TIAM1: variants seen among roughly 807,000 people sequenced by gnomAD.
TIAM1 encodes the protein rho guanine nucleotide exchange factor TIAM1.
Under a neutral mutation model 163.5 loss-of-function variants are expected in TIAM1, and 65 were observed. The ratio of observed to expected loss-of-function variants is 0.40; its 90% CI spans 0.33 to 0.49. The LOEUF (loss-of-function observed/expected upper bound fraction) is 0.49, where lower values mean the gene tolerates loss of function less well. Among genes scored for constraint, TIAM1 ranks in the 20% least tolerant of loss-of-function variants. TIAM1 has a pLI of 0.77. For synonymous variants in TIAM1, 833 were observed against 810.1 expected, an observed-to-expected ratio of 1.03 and a Z score of -0.48; for missense variants, 1,789 against 2,044.7, an observed-to-expected ratio of 0.87 and a Z score of 2.41.
At chr21:31,234,665 C>A (rs2088644339) in intron 6 of TIAM1, among the ~76,000 whole-genome samples, 1 of 151,954 alleles carries the variant, frequency 6.6e-6, no homozygotes, top group South Asian at 2.1e-4. Flanking sequence ...CCTGTCATCC[C>A]AGATATTCGA....
intron 4 of TIAM1, among the ~76,000 whole-genome samples, chr21:31,265,290 G>A (rs2072696621): frequency 7.1e-6 from 1 of 140,572 alleles, no homozygotes; most frequent in Non-Finnish European, 1.5e-5. Context: ...CCACGGTTTC[G>A]TGCACTAGAC....
At chr21:31,492,965 A>C (rs931323152) in intron 1 of TIAM1, among the ~76,000 whole-genome samples, 1 of 142,624 alleles carries the variant, frequency 7.0e-6, no homozygotes, top group Non-Finnish European at 1.5e-5. Flanking sequence ...CTTTTTAATG[A>C]AGTTAATAGT....
chr21:31,510,770 T>C (rs906315944), intron 1 of TIAM1, among the ~76,000 whole-genome samples: 1 of 150,532 alleles, frequency 6.6e-6, no homozygotes, highest in Non-Finnish European at 1.5e-5. Context: ...GTTGAGATCA[T>C]GCCACTACAC....
intron 15 of TIAM1, among the ~76,000 whole-genome samples, chr21:31,171,351 C>T (rs952210106): frequency 1.3e-5 from 2 of 152,036 alleles, no homozygotes; most frequent in Non-Finnish European, 2.9e-5. Flanking sequence ...GAGTACAAAC[C>T]ATATAAGATT....
In TIAM1 at chr21:31,150,540, A is replaced by G. The variant is rs113968157; in HGVS notation, c.3366+2096T>C. ...AAATTGGATATTCATACACACACAAATTAACTTTGATTCCTACATTAAACC... is the reference window on the plus strand; with the variant it reads ...AAATTGGATATTCATACACACACAAGTTAACTTTGATTCCTACATTAAACC... On this transcript the variant is annotated intron_variant, in intron 19 of 27. Transcript: ENST00000541036. 6.5e-3 allele frequency among the ~76,000 whole-genome samples: 984 copies of G among 152,328 alleles called. 12 individuals carry two copies. The highest frequency in any genetic ancestry group is 0.022 in the African/African-American group (905 of 41,568).
rs80259329 is a variant in TIAM1 at position 31,122,395 on chromosome 21, T to G, written c.4307-1558A>C. Among the ~76,000 whole-genome samples the G allele has an allele frequency of 2.1e-3, 324 of 152,226 alleles. 2 individuals carry two copies. Among genetic ancestry groups the G allele is most frequent in the African/African-American group, 7.4e-3 (307 of 41,534 alleles). Reference sequence around the variant, plus strand: ...ATCACCACATTAGAACTACCCCAACTCAAAGCTACTGGAAATATTTGTTAA... The same window carrying G: ...ATCACCACATTAGAACTACCCCAACGCAAAGCTACTGGAAATATTTGTTAA... On this transcript the variant is annotated intron_variant, in intron 27 of 27. Transcript: ENST00000541036.
chr21:31,423,854 CGG>C (rs1244509919), intron 2 of TIAM1, among the ~76,000 whole-genome samples: 1 of 24,754 alleles, frequency 4.0e-5, no homozygotes, highest in Non-Finnish European at 1.9e-4. Context: ...TAATGATTAT[CGG>C]GGGGGGCGGG....
chr21:31,142,831 C>T (rs1308476883), intron 20 of TIAM1, among the ~76,000 whole-genome samples: 1 of 152,088 alleles, frequency 6.6e-6, no homozygotes, highest in Non-Finnish European at 1.5e-5. Context: ...CAGCACTTTC[C>T]TCACCAGCCT....
At chr21:31,440,624 T>C (rs777728094) in intron 2 of TIAM1, among the ~76,000 whole-genome samples, 51 of 152,218 alleles carry the variant, frequency 3.4e-4, no homozygotes, top group Non-Finnish European at 6.0e-4. Context: ...GGCTCATGCC[T>C]GTAATCCCAG....
At chr21:31,283,738 C>G (rs2073674169) in intron 2 of TIAM1, among the ~76,000 whole-genome samples, 1 of 152,048 alleles carries the variant, frequency 6.6e-6, no homozygotes, top group South Asian at 2.1e-4. Context: ...AACGGAGTTT[C>G]ATCATATTGG....
intron 2 of TIAM1, among the ~76,000 whole-genome samples, chr21:31,426,304 G>A (rs554037872): frequency 6.6e-6 from 1 of 152,234 alleles, no homozygotes; most frequent in East Asian, 1.9e-4. Context: ...CCCCAAATGA[G>A]AAGCCACCTT....
intron 2 of TIAM1, among the ~76,000 whole-genome samples, chr21:31,284,944 G>A (rs1028214496): frequency 6.6e-6 from 1 of 152,098 alleles, no homozygotes; most frequent in African/African-American, 2.4e-5. Flanking sequence ...AGCAGCTTCT[G>A]TCTACCTCCA....
intron 6 of TIAM1, among the ~76,000 whole-genome samples, chr21:31,228,310 T>C: frequency 8.2e-6 from 1 of 122,252 alleles, no homozygotes; most frequent in Non-Finnish European, 1.7e-5. Flanking sequence ...GGCAAAGATA[T>C]GGAGTAACCA....
chr21:31,360,437 G>C (rs1020189218), intron 2 of TIAM1, among the ~76,000 whole-genome samples: 1 of 151,626 alleles, frequency 6.6e-6, no homozygotes, highest in African/African-American at 2.4e-5. Flanking sequence ...ATCTAGGAAG[G>C]CTTCAAAGTA....
At chr21:31,325,162 T>C (rs1000671586) in intron 2 of TIAM1, among the ~76,000 whole-genome samples, 10 of 151,048 alleles carry the variant, frequency 6.6e-5, no homozygotes, top group Admixed American at 2.0e-4. Context: ...TGTGCAGCCG[T>C]AGTCCCACCT....
At chr21:31,499,328 G>A (rs536641209) in intron 1 of TIAM1, among the ~76,000 whole-genome samples, 2 of 152,232 alleles carry the variant, frequency 1.3e-5, no homozygotes, top group East Asian at 3.9e-4. Flanking sequence ...GGGAGGCTGA[G>A]GTGGACAAAT....
intron 2 of TIAM1, among the ~76,000 whole-genome samples, chr21:31,316,630 A>G (rs2075132556): frequency 6.6e-6 from 1 of 152,224 alleles, no homozygotes; most frequent in Non-Finnish European, 1.5e-5. Context: ...TGTGATGGGC[A>G]TGCCTATGCC....
At chr21:31,271,391 C>A (rs2073049919) in intron 3 of TIAM1, among the ~76,000 whole-genome samples, 1 of 152,216 alleles carries the variant, frequency 6.6e-6, no homozygotes, top group Admixed American at 6.5e-5. Context: ...CTAGCCTCTT[C>A]TCTCAGGATG....
chr21:31,394,540 T>C (rs1481939376), intron 2 of TIAM1, among the ~76,000 whole-genome samples: 2 of 152,054 alleles, frequency 1.3e-5, no homozygotes, highest in African/African-American at 2.4e-5. Context: ...GTTTTCTGTT[T>C]GTAAGAAATG....
Sources: gnomAD v4.1 joint callset for allele counts (sites outside exome capture counted in the v4.1 genomes callset) on GRCh38, gnomAD v4.1.1 for gene constraint, MANE v1.5 for transcripts, NCBI Gene and HGNC (gene_info 2026-07-23, HGNC 2026-07-21) for gene names.